Variants in NRAP observed in about 807,000 individuals in gnomAD.
The protein encoded by NRAP is nebulin related anchoring protein.
NRAP carries 189 observed loss-of-function variants against 225.9 expected under a neutral mutation model. The ratio of observed to expected loss-of-function variants is 0.84; its 90% CI spans 0.74 to 0.94. The LOEUF is 0.94. NRAP is among the 40% of genes least tolerant of loss of function. NRAP has a pLI of 0.00. For missense variants in NRAP, 2,176 were observed against 2,168.7 expected, an observed-to-expected ratio of 1.00 and a Z score of -0.07; for synonymous variants, 769 against 790.7, an observed-to-expected ratio of 0.97 and a Z score of 0.46.
intron 12 of NRAP, among the ~76,000 whole-genome samples, chr10:113,641,711 T>C (rs183066261): frequency 3.3e-5 from 5 of 152,282 alleles, no homozygotes; most frequent in Non-Finnish European, 7.3e-5. Flanking sequence ...CAGATGAGCA[T>C]AGACAGCACA....
At position 113,647,000 on chromosome 10, in the gene NRAP, T is replaced by G; in HGVS notation, c.916A>C (p.Arg306=). ...QGYPEEYEEH[R]GKGSFPAMIT... ...ATAGCTGGGAAGCTGCCCTTTCCCC[T>G]GTGCTCCTCATACTCCTCCGGGTAA... is the stretch of plus-strand genomic sequence containing the variant. The change falls in exon 10 of 42, where the codon AGG becomes CGG. Residue 306 remains arginine (R), a synonymous_variant. Coordinates refer to ENST00000359988, the MANE Select transcript of NRAP (RefSeq NM_198060.4). The G allele has an allele frequency of 6.2e-7, 1 of 1,614,012 alleles. No homozygotes were observed. The highest frequency in any genetic ancestry group is 8.5e-7 in the Non-Finnish European group (1 of 1,179,872).
At chr10:113,593,718 C>A (rs540405614) in intron 38 of NRAP, among the ~76,000 whole-genome samples, 8 of 152,316 alleles carry the variant, frequency 5.3e-5, no homozygotes, top group Middle Eastern at 3.4e-3. Flanking sequence ...GTTTGGGTGG[C>A]CCCACAAAGG....
rs200555004 is a variant in NRAP, at chr10:113,628,877, C to T, written c.2145+40G>A. 6.9e-5 allele frequency: 76 copies of T among 1,100,502 alleles called. No homozygotes were observed. In the African/African-American group the frequency reaches 1.1e-3, roughly 16 times the overall value. 68.2% of individuals were successfully genotyped at this position (1,100,502 alleles called of 1,614,324 possible). On this transcript the variant is annotated intron_variant, in intron 20 of 41. Transcript: ENST00000359988. ...AAGATCACCCTGCATGTGTCAGGGG[C>T]TGAGGACTACTGGAGGCCAGAGGCC... is the stretch of plus-strand genomic sequence containing the variant.
Position 113,617,569 on chromosome 10 carries a change from AG to A in NRAP, c.2875-17del. 6.7e-7 allele frequency: 1 copy of A among 1,498,030 alleles called. No individual in the cohort carries two copies. The highest frequency in any genetic ancestry group is 9.3e-7 in the Non-Finnish European group (1 of 1,074,084). 92.8% of individuals were successfully genotyped at this position (1,498,030 alleles called of 1,614,324 possible). A position where few individuals can be genotyped will look rare whatever the true frequency, so the allele number is the denominator to read the frequency against. On this transcript the variant is annotated splice_polypyrimidine_tract_variant and intron_variant, in intron 25 of 41. Transcript: ENST00000359988. Reference sequence around the variant, plus strand: ...GGTACTTCTTCTGTTGAGCAGAAAAAGATCAAAGCTGTGAATTTTGTGCTGC... The same window carrying A: ...GGTACTTCTTCTGTTGAGCAGAAAAAATCAAAGCTGTGAATTTTGTGCTGC...
chr10:113,589,285 G>A, intron 41 of NRAP: 1 of 586,134 alleles, frequency 1.7e-6, no homozygotes, highest in Non-Finnish European at 3.0e-6. Flanking sequence ...TTTAGACCTG[G>A]CTTCTTTCTT....
intron 22 of NRAP, among the ~76,000 whole-genome samples, 153 bp from the exon 23 acceptor site, chr10:113,623,789 C>T (rs570966821): frequency 2.6e-5 from 4 of 152,286 alleles, no homozygotes; most frequent in Admixed American, 6.5e-5. Context: ...AGTCTGAATA[C>T]AGCCAGGCCT....
chr10:113,592,197 A>G lies in NRAP; in HGVS notation c.4641T>C (p.Ser1547=). The change falls in exon 39 of 42, where the codon AGT becomes AGC. Residue 1547 remains serine (S), a synonymous_variant. Coordinates refer to ENST00000359988, the MANE Select transcript of NRAP (RefSeq NM_198060.4). The part of the protein sequence containing the change: ...QTARASREIA[S]DFRYKEAFLR... ...GGAGAGAACATGGGGGTCTTACATC[A>G]CTGGCGATCTCCCTAGATGCCCGGG... The G allele has an allele frequency of 6.3e-7, 1 of 1,597,624 alleles. No individual in the cohort carries two copies. Among genetic ancestry groups the G allele is most frequent in the Non-Finnish European group, 8.6e-7 (1 of 1,167,748 alleles).
intron 21 of NRAP, 39 bp from the exon 22 acceptor site, chr10:113,624,969 G>A (rs749645028): frequency 1.6e-6 from 2 of 1,281,934 alleles, no homozygotes; most frequent in African/African-American, 1.5e-5. Context: ...CAGGTGGCAA[G>A]GGCGAGGTGG....
At chr10:113,628,848 G>A in intron 20 of NRAP, 69 bp downstream of exon 20, 1 of 828,906 alleles carries the variant, frequency 1.2e-6, no homozygotes. Flanking sequence ...GGGAATTAGA[G>A]GCAAAGATCA....
intron 40 of NRAP, 96 bp downstream of exon 40, chr10:113,590,482 C>T: frequency 3.3e-6 from 4 of 1,228,100 alleles, no homozygotes; most frequent in South Asian, 1.4e-5. Context: ...CAGCCCAGCT[C>T]CCCCAGAAGC....
At chr10:113,662,622 AC>A in intron 3 of NRAP, 56 bp downstream of exon 3, 1 of 930,104 alleles carries the variant, frequency 1.1e-6, no homozygotes, top group Non-Finnish European at 1.8e-6. Flanking sequence ...GCATGTTTCT[AC>A]CCAGTAACCA....
intron 23 of NRAP, among the ~76,000 whole-genome samples, chr10:113,622,623 A>G (rs1848063538): frequency 6.6e-6 from 1 of 152,164 alleles, no homozygotes. Context: ...AGCTGTGAAA[A>G]CTGTCAGAAG....
chr10:113,631,492 G>C lies in NRAP; in HGVS notation c.1842+17C>G. ...CACAACTGTAAGTGAGAGGTTGGGG[G>C]TTAGAAAAGAGTTTACCTCACTGCT... On this transcript the variant is annotated intron_variant, in intron 18 of 41. Coordinates refer to ENST00000359988, the MANE Select transcript of NRAP (RefSeq NM_198060.4). The C allele has an allele frequency of 6.6e-7, 1 of 1,510,396 alleles. No individual in the cohort carries two copies. The highest frequency in any genetic ancestry group is 9.1e-7 in the Non-Finnish European group (1 of 1,099,430). 93.6% of individuals were successfully genotyped at this position (1,510,396 alleles called of 1,614,324 possible).
intron 32 of NRAP, among the ~76,000 whole-genome samples, chr10:113,607,444 A>C (rs1462720370): frequency 1.4e-5 from 2 of 147,990 alleles, no homozygotes; most frequent in African/African-American, 5.0e-5. Flanking sequence ...AAAGAAAAGA[A>C]AGAAAGAAAA....
intron 20 of NRAP, 67 bp from the exon 21 acceptor site, chr10:113,626,212 C>T (rs1848284735): frequency 2.2e-6 from 2 of 925,528 alleles, no homozygotes; most frequent in South Asian, 3.2e-5. Context: ...TACTCATGTG[C>T]CCCCACACAC....
intron 41 of NRAP, 148 bp downstream of exon 41, chr10:113,589,518 T>G: frequency 5.5e-6 from 5 of 909,592 alleles, no homozygotes; most frequent in Non-Finnish European, 8.3e-6. Context: ...CTCAGACCCA[T>G]GAAATTAGGC....
chr10:113,640,252 G>C lies in NRAP; in HGVS notation c.1403C>G (p.Ala468Gly), dbSNP rs879231914. The change falls in exon 14 of 42, where the codon GCT becomes GGT. Residue 468 changes from alanine (A) to glycine (G), a missense_variant. This residue lies in a region of NRAP where 1,708 missense variants were observed against 1,695.5 expected (regional missense o/e 1.01). Coordinates refer to ENST00000359988, the MANE Select transcript of NRAP (RefSeq NM_198060.4). ...ATCTTTCAAGGGCACCAGTTTCATA[G>C]CTGTTTGATAGGAAGGCGTGAGAGT... ...PATLTPSYQT[A>G]MKLVPLKDAN... The C allele has an allele frequency of 6.2e-7, 1 of 1,605,352 alleles. No individual in the cohort carries two copies. The highest frequency in any genetic ancestry group is 8.5e-7 in the Non-Finnish European group (1 of 1,175,184).
chr10:113,648,004 G>T (rs1022102898), intron 9 of NRAP, among the ~76,000 whole-genome samples: 1 of 152,148 alleles, frequency 6.6e-6, no homozygotes, highest in African/African-American at 2.4e-5. Flanking sequence ...CAGTCTCCTC[G>T]TGGAAGTCCC....
At position 113,645,941 on chromosome 10, in the gene NRAP, T is replaced by C. The variant is rs200397361; in HGVS notation, c.994A>G (p.Ile332Val). Residue 332 changes from isoleucine (I) to valine (V), a missense_variant and splice_region_variant, in exon 11 of 42, where the codon ATA becomes GTA. Around this residue, in one of 3 missense-constraint regions of NRAP, gnomAD observed 1,708 missense variants for 1,695.5 expected, o/e 1.01. Transcript: ENST00000359988. ...AKKAHELASD[I>V]KYRQDFNKMK... The stretch of plus-strand genomic sequence containing the variant: ...TTATTGAAGTCCTGCCTGTATTTTA[T>C]CTGAAAAAAAAAACACAAAACGGGG... 2.2e-4 allele frequency: 326 copies of C among 1,469,584 alleles called. 2 individuals are homozygous for C. In the African/African-American group the frequency reaches 4.5e-3, roughly 20 times the overall value. 91.0% of individuals were successfully genotyped at this position (1,469,584 alleles called of 1,614,324 possible).
Sources: allele counts gnomAD v4.1 joint callset (sites outside exome capture counted in the v4.1 genomes callset), GRCh38; gene constraint gnomAD v4.1.1; regional missense constraint gnomAD v4.1.1; transcripts MANE v1.5; gene names NCBI Gene and HGNC (gene_info 2026-07-23, HGNC 2026-07-21).